LSM12: variants seen among roughly 807,000 people sequenced by gnomAD.
The protein encoded by LSM12 is protein LSM12.
For missense variants in LSM12, 108 were observed against 238.9 expected, an observed-to-expected ratio of 0.45 and a Z score of 3.61; for synonymous variants, 74 against 87.3, an observed-to-expected ratio of 0.85 and a Z score of 0.85.
chr17:44,040,432 T>C (rs1030261961), intron 2 of LSM12, 176 bp from the exon 3 acceptor site: 2 of 539,946 alleles, frequency 3.7e-6, no homozygotes, highest in African/African-American at 3.8e-5. Context: ...GAACAGTTAC[T>C]GGTATTCCAA....
chr17:44,037,320 G>T, intron 4 of LSM12, 92 bp downstream of exon 4: 1 of 1,410,566 alleles, frequency 7.1e-7, no homozygotes, highest in South Asian at 1.6e-5. Context: ...AGGAGGCAGA[G>T]ACTGTAGCAC....
In LSM12 at chr17:44,066,656, G is replaced by A. The variant is rs1371924466; in HGVS notation, c.-69C>T. On this transcript the variant is annotated 5_prime_UTR_variant, in exon 1 of 5. Coordinates refer to ENST00000293406, the MANE Select transcript of LSM12 (RefSeq NM_001371445.1). ...GGCGAAAGCCGGGCCCCCAGTGAGC[G>A]CCGCGACGCGACGGCGCGCACGGAG... 3.9e-6 allele frequency: 5 copies of A among 1,268,608 alleles called. No individual in the cohort carries two copies. The East Asian group carries it at 1.3e-4, about 34-fold the overall frequency. The allele number at this position is 1,268,608 out of a possible 1,614,324, so 78.6% of individuals were successfully genotyped here. A position where few individuals can be genotyped will look rare whatever the true frequency, so the allele number is the denominator to read the frequency against.
At chr17:44,066,711 C>G (rs966726529), upstream of LSM12, 1 of 1,195,930 alleles carries the variant, frequency 8.4e-7, no homozygotes, top group Admixed American at 4.5e-5. Context: ...GGGGCGTGGC[C>G]TGGCGCTGGT....
intron 2 of LSM12, among the ~76,000 whole-genome samples, chr17:44,043,747 T>C (rs2049525974): frequency 1.3e-5 from 2 of 149,898 alleles, no homozygotes; most frequent in Admixed American, 1.3e-4. Flanking sequence ...GGGAGGAAGA[T>C]CACTTGAGCC....
At chr17:44,050,950 T>C (rs930290004) in intron 2 of LSM12, among the ~76,000 whole-genome samples, 2 of 152,064 alleles carry the variant, frequency 1.3e-5, no homozygotes, top group African/African-American at 4.8e-5. Flanking sequence ...CTGGGCAACA[T>C]GGCAAAACCC....
intron 2 of LSM12, among the ~76,000 whole-genome samples, chr17:44,063,475 T>G (rs2049826579): frequency 6.6e-6 from 1 of 151,978 alleles, no homozygotes; most frequent in Non-Finnish European, 1.5e-5. Context: ...TATACACAAT[T>G]TGAAGACATT....
intron 2 of LSM12, among the ~76,000 whole-genome samples, chr17:44,045,085 TG>T (rs2049544059): frequency 6.6e-6 from 1 of 152,136 alleles, no homozygotes; most frequent in South Asian, 2.1e-4. Flanking sequence ...TGGAGTGCAG[TG>T]GTGCGATCTC....
chr17:44,058,411 G>T (rs760153122), intron 2 of LSM12, among the ~76,000 whole-genome samples: 1 of 151,878 alleles, frequency 6.6e-6, no homozygotes, highest in African/African-American at 2.4e-5. Context: ...ACTTAGAAAC[G>T]TTACCTAGGG....
intron 2 of LSM12, among the ~76,000 whole-genome samples, chr17:44,046,709 C>CA (rs542504532): frequency 0.071 from 2,998 of 42,020 alleles, 67 homozygotes; most frequent in Non-Finnish European, 0.086. Flanking sequence ...GACTCCGTCT[C>CA]AAAAAAAAAA....
intron 2 of LSM12, among the ~76,000 whole-genome samples, chr17:44,058,900 G>A (rs920662646): frequency 5.9e-5 from 9 of 151,970 alleles, no homozygotes; most frequent in African/African-American, 2.2e-4. Flanking sequence ...CTTGGGAGGC[G>A]AGGTGGAAAG....
At chr17:44,044,731 A>G (rs1476300580) in intron 2 of LSM12, among the ~76,000 whole-genome samples, 2 of 152,184 alleles carry the variant, frequency 1.3e-5, no homozygotes, top group Non-Finnish European at 2.9e-5. Flanking sequence ...GAGGGTGGGG[A>G]GAAGGAGATT....
At chr17:44,045,781 C>G (rs1375626988) in intron 2 of LSM12, among the ~76,000 whole-genome samples, 1 of 151,774 alleles carries the variant, frequency 6.6e-6, no homozygotes, top group Non-Finnish European at 1.5e-5. Context: ...CCGTATTGCC[C>G]AGGATAGTCT....
chr17:44,061,500 A>G (rs1158067183), intron 2 of LSM12, among the ~76,000 whole-genome samples: 1 of 152,120 alleles, frequency 6.6e-6, no homozygotes, highest in Non-Finnish European at 1.5e-5. Context: ...ACCCATATGA[A>G]CTCAATAGCC....
intron 2 of LSM12, among the ~76,000 whole-genome samples, chr17:44,040,536 G>A (rs976929608): frequency 6.6e-6 from 1 of 152,116 alleles, no homozygotes; most frequent in Non-Finnish European, 1.5e-5. Context: ...GAAGTGGGTG[G>A]GGGAGACAGA....
intron 2 of LSM12, among the ~76,000 whole-genome samples, chr17:44,058,472 AAGG>A (rs1374843984): frequency 6.6e-6 from 1 of 151,888 alleles, no homozygotes; most frequent in Non-Finnish European, 1.5e-5. Context: ...GAAGCCGAGG[AAGG>A]AGGATTGCTT....
At chr17:44,047,400 C>A (rs2049582855) in intron 2 of LSM12, among the ~76,000 whole-genome samples, 2 of 151,970 alleles carry the variant, frequency 1.3e-5, no homozygotes, top group Admixed American at 1.3e-4. Context: ...GCCCACACCA[C>A]CACGCCCAGC....
chr17:44,067,147 A>G (rs191708785), upstream of LSM12, among the ~76,000 whole-genome samples: 21 of 152,260 alleles, frequency 1.4e-4, no homozygotes, highest in Admixed American at 1.2e-3. Context: ...TAAAAATACA[A>G]AAATTAGCCG....
intron 2 of LSM12, among the ~76,000 whole-genome samples, chr17:44,046,055 G>C (rs1227391349): frequency 1.3e-5 from 2 of 148,246 alleles, no homozygotes; most frequent in African/African-American, 5.0e-5. Flanking sequence ...TCCTGCCTCA[G>C]CCTCCCGAGT....
intron 2 of LSM12, among the ~76,000 whole-genome samples, chr17:44,056,186 T>C (rs952542385): frequency 2.0e-5 from 3 of 150,966 alleles, no homozygotes; most frequent in African/African-American, 4.9e-5. Flanking sequence ...GGTAGGAGAA[T>C]TGGGAGGCTG....
Sources: gnomAD v4.1 joint callset for allele counts (sites outside exome capture counted in the v4.1 genomes callset) on GRCh38, gnomAD v4.1.1 for gene constraint, MANE v1.5 for transcripts, NCBI Gene and HGNC (gene_info 2026-07-23, HGNC 2026-07-21) for gene names.